Variants in EME2 observed in about 807,000 individuals in gnomAD.
EME2 encodes the protein structure-specific endonuclease subunit EME2.
EME2 carries 58 observed loss-of-function variants against 41.9 expected under a neutral mutation model. That is an observed-to-expected ratio of 1.38 (90% CI 1.12 to 1.72). EME2 has a LOEUF of 1.72. EME2 is among the 40% of genes most tolerant of loss of function. The probability of loss-of-function intolerance (pLI) is 0.00; values close to 1 mark genes in which losing one functional copy is unlikely to be tolerated. For synonymous variants in EME2, 334 were observed against 239.3 expected, an observed-to-expected ratio of 1.40 and a Z score of -3.65; for missense variants, 695 against 541.9, an observed-to-expected ratio of 1.28 and a Z score of -2.81.
In EME2 at chr16:1,777,338, G is replaced by A. The variant is rs1382251486; in HGVS notation, c.*1100G>A. ...GCGGTGGCAGCACAGGTACTGGAGG[G>A]AAGTGGCGCTGGCACAGGAGCGGGT... On this transcript the variant is annotated 3_prime_UTR_variant, in exon 8 of 8. Coordinates refer to ENST00000568449, the MANE Select transcript of EME2 (RefSeq NM_001257370.2). 6.2e-7 allele frequency: 1 copy of A among 1,608,442 alleles called. No individual in the cohort carries two copies. The highest frequency in any genetic ancestry group is 8.5e-7 in the Non-Finnish European group (1 of 1,179,144).
rs751738667 is a variant in EME2 at position 1,781,086 on chromosome 16, T to C, written c.*4848T>C. ...CCAAAAGCAACTGCCAACCTCTCCA[T>C]GCACCATGTGTTTCAGAGGAGAAAG... On this transcript the variant is annotated 3_prime_UTR_variant, in exon 8 of 8. Coordinates refer to ENST00000568449, the MANE Select transcript of EME2 (RefSeq NM_001257370.2). 8.7e-6 allele frequency: 11 copies of C among 1,270,162 alleles called. No individual in the cohort carries two copies. The highest frequency in any genetic ancestry group is 1.2e-5 in the Non-Finnish European group (11 of 944,534). The allele number at this position is 1,270,162 out of a possible 1,614,324, so 78.7% of individuals were successfully genotyped here.
intron 2 of EME2, among the ~76,000 whole-genome samples, 196 bp downstream of exon 2, chr16:1,774,037 T>C (rs1448438434): frequency 1.3e-5 from 2 of 152,134 alleles, no homozygotes; most frequent in Non-Finnish European, 2.9e-5. Flanking sequence ...CTGGAGAAGG[T>C]TCCGTCTCGA....
rs1424663109 is a variant in EME2 at position 1,780,166 on chromosome 16, A to C, written c.*3928A>C. ...CCCATGGTGACAGAGGACAAGCAGC[A>C]TGCGTGTGTCAGACACTGGCCTGGC... On this transcript the variant is annotated 3_prime_UTR_variant, in exon 8 of 8. Transcript: ENST00000568449. 3 of 152,392 alleles carry C rather than the reference A, an allele frequency of 2.0e-5. No homozygotes were observed. The highest frequency in any genetic ancestry group is 2.0e-4 in the Admixed American group (3 of 15,294). The allele number at this position is 152,392 out of a possible 1,614,324, so 9.4% of individuals were successfully genotyped here.
rs774651729 is a variant in EME2 at position 1,776,983 on chromosome 16, A to T, written c.*745A>T. On this transcript the variant is annotated 3_prime_UTR_variant, in exon 8 of 8. Transcript: ENST00000568449. ...GGGAGCAAGAGATGGCTCCCTCCGG[A>T]CGGGCCTCATCCAACTCCGCCCTGG... 10 of 1,231,752 alleles carry T rather than the reference A, an allele frequency of 8.1e-6. No homozygotes were observed. Among genetic ancestry groups the T allele is most frequent in the Non-Finnish European group, 1.1e-5 (10 of 887,000 alleles). The allele number at this position is 1,231,752 out of a possible 1,614,324, so 76.3% of individuals were successfully genotyped here.
Position 1,777,129 on chromosome 16 carries a change from G to T in EME2, c.*891G>T. ...CGGCGGCAGCGCTTCCTCTGGCAGG[G>T]CCGAGGCTCGCGACTGCTGGGGTGG... is the stretch of plus-strand genomic sequence containing the variant. On this transcript the variant is annotated 3_prime_UTR_variant, in exon 8 of 8. Coordinates refer to ENST00000568449, the MANE Select transcript of EME2 (RefSeq NM_001257370.2). 3 of 1,611,688 alleles carry T rather than the reference G, an allele frequency of 1.9e-6. No homozygotes were observed. Among genetic ancestry groups the T allele is most frequent in the Non-Finnish European group, 2.5e-6 (3 of 1,179,680 alleles).
rs1297306885 is a variant in EME2, at chr16:1,781,579, C to CA, written c.*5344dup. On this transcript the variant is annotated 3_prime_UTR_variant, in exon 8 of 8. Coordinates refer to ENST00000568449, the MANE Select transcript of EME2 (RefSeq NM_001257370.2). ...TTCCAGGCTGGGCCACGGACCCACT[C>CA]AAAGTGGGGACTGCAGGGGCCGCAC... 1.8e-5 allele frequency: 26 copies of CA among 1,471,742 alleles called. No individual in the cohort carries two copies. The highest frequency in any genetic ancestry group is 1.3e-4 in the African/African-American group (9 of 70,868). 91.2% of individuals were successfully genotyped at this position (1,471,742 alleles called of 1,614,324 possible).
At position 1,775,550 on chromosome 16, in the gene EME2, C is replaced by T; in HGVS notation, c.664-19C>T. 2 of 1,611,400 alleles carry T rather than the reference C, an allele frequency of 1.2e-6. No homozygotes were observed. Among genetic ancestry groups the T allele is most frequent in the Non-Finnish European group, 8.5e-7 (1 of 1,178,664 alleles). On this transcript the variant is annotated intron_variant, in intron 5 of 7. Transcript: ENST00000568449. Reference sequence around the variant, plus strand: ...TAGCCTTCCTCTGGCTCGTGCCCATCAGCTTGCCTCCTCCCCAGGCCCTGG... The same window carrying T: ...TAGCCTTCCTCTGGCTCGTGCCCATTAGCTTGCCTCCTCCCCAGGCCCTGG...
intron 5 of EME2, 53 bp from the exon 6 acceptor site, chr16:1,775,516 T>C: frequency 6.2e-7 from 1 of 1,600,658 alleles, no homozygotes; most frequent in East Asian, 2.2e-5. Context: ...ATCAGCTGTG[T>C]GTCCCGGGTA....
Position 1,778,513 on chromosome 16 carries a change from G to GCCCA in EME2, c.*2276_*2279dup. The stretch of plus-strand genomic sequence containing the variant: ...CTGCTACAGAAGGAGGCCTCGCTCT[G>GCCCA]CCCAGCACAGTCACAGAAGGACTCG... On this transcript the variant is annotated 3_prime_UTR_variant, in exon 8 of 8. Transcript: ENST00000568449. The GCCCA allele has an allele frequency of 1.2e-6, 2 of 1,611,896 alleles. No homozygotes were observed. The highest frequency in any genetic ancestry group is 1.7e-6 in the Non-Finnish European group (2 of 1,179,472).
chr16:1,778,647 C>A lies in EME2; in HGVS notation c.*2409C>A. ...AAGGGCCGGCTGTTACTACCTGTTG[C>A]CCGCTCTCTACCCTCTCACCCTTGC... is the stretch of plus-strand genomic sequence containing the variant. On this transcript the variant is annotated 3_prime_UTR_variant, in exon 8 of 8. Transcript: ENST00000568449. 1 of 1,521,918 alleles carries A rather than the reference C, an allele frequency of 6.6e-7. No homozygotes were observed. The highest frequency in any genetic ancestry group is 8.8e-7 in the Non-Finnish European group (1 of 1,136,430). 94.3% of individuals were successfully genotyped at this position (1,521,918 alleles called of 1,614,324 possible).
intron 2 of EME2, 134 bp downstream of exon 2, chr16:1,773,975 G>T (rs569854840): frequency 2.4e-6 from 3 of 1,241,402 alleles, no homozygotes; most frequent in Non-Finnish European, 3.3e-6. Context: ...CAAGGATGGA[G>T]AACGGGAAGT....
At chr16:1,775,271 G>A (rs1461511135) in intron 4 of EME2, 44 bp from the exon 5 acceptor site, 2 of 1,600,582 alleles carry the variant, frequency 1.2e-6, no homozygotes, top group African/African-American at 1.3e-5. Context: ...CTCGGGCAGG[G>A]CAGGCCCCAT....
intron 3 of EME2, 145 bp downstream of exon 3, chr16:1,774,497 G>C: frequency 1.5e-6 from 1 of 662,820 alleles, no homozygotes; most frequent in Non-Finnish European, 2.6e-6. Flanking sequence ...ATCCAAAGCC[G>C]TAGAGGTTTC....
In EME2 at chr16:1,781,589, A is replaced by T; in HGVS notation, c.*5351A>T. ...GGCCACGGACCCACTCAAAGTGGGG[A>T]CTGCAGGGGCCGCACCGGTGCCCAG... On this transcript the variant is annotated 3_prime_UTR_variant, in exon 8 of 8. Coordinates refer to ENST00000568449, the MANE Select transcript of EME2 (RefSeq NM_001257370.2). 1 of 1,389,854 alleles carries T rather than the reference A, an allele frequency of 7.2e-7. No individual in the cohort carries two copies. Among genetic ancestry groups the T allele is most frequent in the Non-Finnish European group, 9.8e-7 (1 of 1,022,326 alleles). 86.1% of individuals were successfully genotyped at this position (1,389,854 alleles called of 1,614,324 possible).
rs1896709943 is a variant in EME2, at chr16:1,781,457, C to G, written c.*5219C>G. The G allele has an allele frequency of 1.9e-6, 3 of 1,612,722 alleles. No homozygotes were observed. Among genetic ancestry groups the G allele is most frequent in the Non-Finnish European group, 2.5e-6 (3 of 1,179,992 alleles). On this transcript the variant is annotated 3_prime_UTR_variant, in exon 8 of 8. Transcript: ENST00000568449. ...CTGCACTCAGGACGAAGTGCCAGGC[C>G]CTGCTGTTCCGGGGGCGTCTGGCCA...
Position 1,773,223 on chromosome 16 carries a change from C to G in EME2, c.-5C>G, listed in dbSNP as rs556237883. The G allele has an allele frequency of 6.9e-7, 1 of 1,443,266 alleles. No homozygotes were observed. Among genetic ancestry groups the G allele is most frequent in the South Asian group, 1.5e-5 (1 of 68,132 alleles). 89.4% of individuals were successfully genotyped at this position (1,443,266 alleles called of 1,614,324 possible). On this transcript the variant is annotated 5_prime_UTR_variant, in exon 1 of 8. Coordinates refer to ENST00000568449, the MANE Select transcript of EME2 (RefSeq NM_001257370.2). ...GCCGGAAGCGAGGAAGAGGTCGGTC[C>G]GGCCATGGCGCGGGTTGGACCCGGG...
Position 1,778,021 on chromosome 16 carries a change from C to T in EME2, c.*1783C>T, listed in dbSNP as rs201002802. The T allele has an allele frequency of 2.5e-5, 41 of 1,613,112 alleles. No homozygotes were observed. The highest frequency in any genetic ancestry group is 3.4e-5 in the Non-Finnish European group (40 of 1,180,008). On this transcript the variant is annotated 3_prime_UTR_variant, in exon 8 of 8. Transcript: ENST00000568449. ...AACGTGTGGCGGTATTTGTCCAGGT[C>T]CACATCCGACGTCCCGATGCCCACC...
rs1348283042 is a variant in EME2 at position 1,773,102 on chromosome 16, C to T, written c.-126C>T. Reference sequence around the variant, plus strand: ...CCAGCTCCGCGATCAGCCGCGGACGCACCTTCTTCCGCGCCATGGCGGGTC... The same window carrying T: ...CCAGCTCCGCGATCAGCCGCGGACGTACCTTCTTCCGCGCCATGGCGGGTC... On this transcript the variant is annotated 5_prime_UTR_variant, in exon 1 of 8. Transcript: ENST00000568449. 7.1e-7 allele frequency: 1 copy of T among 1,400,410 alleles called. No homozygotes were observed. The highest frequency in any genetic ancestry group is 9.2e-7 in the Non-Finnish European group (1 of 1,082,520). 86.7% of individuals were successfully genotyped at this position (1,400,410 alleles called of 1,614,324 possible).
intron 2 of EME2, 77 bp from the exon 3 acceptor site, chr16:1,774,183 C>A: frequency 7.6e-7 from 1 of 1,308,076 alleles, no homozygotes; most frequent in Non-Finnish European, 1.1e-6. Context: ...AACCGCTTTG[C>A]TGCTGGACTG....
Sources: allele counts gnomAD v4.1 joint callset (sites outside exome capture counted in the v4.1 genomes callset), GRCh38; gene constraint gnomAD v4.1.1; transcripts MANE v1.5; gene names NCBI Gene and HGNC (gene_info 2026-07-23, HGNC 2026-07-21).